The following MLLT10 variants were observed in gnomAD, a reference collection of about 807,000 sequenced individuals.
The protein encoded by MLLT10 is protein AF-10.
A neutral mutation model predicts 129.1 loss-of-function variants in MLLT10; 30 were observed. That is an observed-to-expected ratio of 0.23 (90% CI 0.17 to 0.32). The LOEUF (loss-of-function observed/expected upper bound fraction) is 0.32, where lower values mean the gene tolerates loss of function less well. Among genes scored for constraint, MLLT10 ranks in the 10% least tolerant of loss-of-function variants. The pLI, the probability that MLLT10 is intolerant of heterozygous loss-of-function variation, is 1.00. For synonymous variants in MLLT10, 490 were observed against 446.4 expected (o/e 1.10, Z -1.23); for missense variants, 1,119 against 1,268.3 (o/e 0.88, Z 1.79).
At chr10:21,551,305 T>A (rs1317385072) in intron 3 of MLLT10, among the ~76,000 whole-genome samples, 9 of 150,024 alleles carry the variant, frequency 6.0e-5, no homozygotes, top group African/African-American at 2.2e-4. Context: ...TTTTTTTTTT[T>A]TTTTTTTTTT....
At chr10:21,638,258 G>A (rs895700766) in intron 8 of MLLT10, among the ~76,000 whole-genome samples, 2 of 113,484 alleles carry the variant, frequency 1.8e-5, no homozygotes, top group African/African-American at 7.1e-5. Context: ...TCTTTTTGGT[G>A]GGGGGAGGGG....
rs550464646 is a variant in MLLT10, at chr10:21,567,823, T to A, written c.241-18471T>A. Among the ~76,000 whole-genome samples, 21 of 146,338 alleles carry A rather than the reference T, an allele frequency of 1.4e-4. No individual in the cohort carries two copies. In the East Asian group the frequency reaches 3.6e-3, roughly 25 times the overall value. On this transcript the variant is annotated intron_variant, in intron 3 of 22. Transcript: ENST00000307729. ...GAAGGCTTTTGTTGGGGCTTCTTCT[T>A]TTTTTTTTTTTTTTGAGACAGAGTC...
In MLLT10 at chr10:21,586,276, CT is replaced by C. The variant is rs750892285; in HGVS notation, c.241-5del. On this transcript the variant is annotated splice_polypyrimidine_tract_variant and intron_variant, in intron 3 of 22. Transcript: ENST00000307729. ...AATCTGAAATATTCATTACCTGTTT[CT>C]TTTTTTTTTTTTATAGAGATGTGAA... 174,427 of 1,092,250 alleles carry C rather than the reference CT, an allele frequency of 0.16. No homozygotes were observed. Among genetic ancestry groups the C allele is most frequent in the South Asian group, 0.19 (10,928 of 58,668 alleles). The allele number at this position is 1,092,250 out of a possible 1,614,324, so 67.7% of individuals were successfully genotyped here. A position where few individuals can be genotyped will look rare whatever the true frequency, so the allele number is the denominator to read the frequency against.
At chr10:21,708,551 C>T (rs890119027) in intron 13 of MLLT10, 4 of 982,662 alleles carry the variant, frequency 4.1e-6, no homozygotes, top group Admixed American at 1.2e-4. Flanking sequence ...GAACATTTTG[C>T]TCTGTTTTTT....
At chr10:21,639,620 G>A (rs1164025419) in intron 8 of MLLT10, among the ~76,000 whole-genome samples, 1 of 152,184 alleles carries the variant, frequency 6.6e-6, no homozygotes, top group Non-Finnish European at 1.5e-5. Context: ...GGACAGGCAT[G>A]ACTGAAGCAT....
intron 3 of MLLT10, among the ~76,000 whole-genome samples, chr10:21,573,410 G>A (rs2040410569): frequency 6.6e-6 from 1 of 152,146 alleles, no homozygotes; most frequent in African/African-American, 2.4e-5. Flanking sequence ...GTCATGCCAT[G>A]CCATGGAGAA....
At chr10:21,604,788 C>T (rs1471453964) in intron 5 of MLLT10, among the ~76,000 whole-genome samples, 1 of 151,860 alleles carries the variant, frequency 6.6e-6, no homozygotes, top group African/African-American at 2.4e-5. Flanking sequence ...AAATAGTTCT[C>T]TGTGGCTTGA....
At chr10:21,553,656 CTT>C (rs35195766) in intron 3 of MLLT10, among the ~76,000 whole-genome samples, 5 of 140,076 alleles carry the variant, frequency 3.6e-5, no homozygotes, top group Admixed American at 7.2e-5. Flanking sequence ...TTTTCCTTTT[CTT>C]TTTTTTTTTT....
chr10:21,561,206 TTTC>T (rs2038756332), intron 3 of MLLT10, among the ~76,000 whole-genome samples: 1 of 152,142 alleles, frequency 6.6e-6, no homozygotes. Context: ...TCCCCTGTGT[TTTC>T]TTCTAAATGT....
At chr10:21,679,854 T>C (rs1218180468) in intron 11 of MLLT10, among the ~76,000 whole-genome samples, 2 of 152,192 alleles carry the variant, frequency 1.3e-5, no homozygotes, top group African/African-American at 2.4e-5. Context: ...ATGGGCGCAC[T>C]CAAAAAGTTT....
intron 21 of MLLT10, among the ~76,000 whole-genome samples, chr10:21,737,057 T>TG (rs2058427079): frequency 9.3e-6 from 1 of 107,470 alleles, no homozygotes; most frequent in South Asian, 3.2e-4. Context: ...AATGCTTCTG[T>TG]GGTAGGGTAA....
At chr10:21,737,629 GT>G (rs1831139845) in intron 21 of MLLT10, among the ~76,000 whole-genome samples, 4 of 152,242 alleles carry the variant, frequency 2.6e-5, no homozygotes, top group Middle Eastern at 3.4e-3. Flanking sequence ...GGTGTTAACG[GT>G]TAGATAAGAG....
intron 4 of MLLT10, among the ~76,000 whole-genome samples, chr10:21,586,594 T>G (rs2042005876): frequency 6.6e-6 from 1 of 152,164 alleles, no homozygotes; most frequent in Non-Finnish European, 1.5e-5. Flanking sequence ...TAATTTAAAT[T>G]CTTATGTTTT....
chr10:21,673,969 T>C, intron 11 of MLLT10, 50 bp downstream of exon 11: 1 of 1,411,482 alleles, frequency 7.1e-7, no homozygotes, highest in South Asian at 1.5e-5. Flanking sequence ...ACCACCTCCC[T>C]TCTTCTGTCC....
At chr10:21,594,669 T>C (rs2042862417) in intron 4 of MLLT10, among the ~76,000 whole-genome samples, 1 of 151,698 alleles carries the variant, frequency 6.6e-6, no homozygotes, top group Non-Finnish European at 1.5e-5. Flanking sequence ...TTTCATTCTT[T>C]TCCGGTTTTA....
chr10:21,705,346 C>G (rs559065218), intron 13 of MLLT10, among the ~76,000 whole-genome samples: 1 of 152,286 alleles, frequency 6.6e-6, no homozygotes, highest in African/African-American at 2.4e-5. Flanking sequence ...TTGCGCTGGG[C>G]AGTCCCCTGT....
At chr10:21,646,663 G>A (rs757640529) in intron 8 of MLLT10, among the ~76,000 whole-genome samples, 6 of 151,920 alleles carry the variant, frequency 3.9e-5, no homozygotes, top group Non-Finnish European at 8.8e-5. Flanking sequence ...ATTTTGTATT[G>A]CTAATTATAC....
intron 17 of MLLT10, among the ~76,000 whole-genome samples, chr10:21,732,487 G>A (rs1387916230): frequency 1.3e-5 from 2 of 152,194 alleles, no homozygotes; most frequent in Non-Finnish European, 2.9e-5. Context: ...CATTATTTTG[G>A]TAGAGGGTAT....
At chr10:21,667,863 C>T (rs1226386398) in intron 9 of MLLT10, among the ~76,000 whole-genome samples, 1 of 151,964 alleles carries the variant, frequency 6.6e-6, no homozygotes, top group African/African-American at 2.4e-5. Context: ...ATTTTTGTTT[C>T]CACTTAATGC....
Sources: allele counts gnomAD v4.1 joint callset (sites outside exome capture counted in the v4.1 genomes callset), GRCh38; gene constraint gnomAD v4.1.1; transcripts MANE v1.5; gene names NCBI Gene and HGNC (gene_info 2026-07-23, HGNC 2026-07-21).